The following PTPRD variants were observed in gnomAD, a reference collection of about 807,000 sequenced individuals.
The protein encoded by PTPRD is protein tyrosine phosphatase receptor type D.
PTPRD carries 34 observed loss-of-function variants against 214.5 expected under a neutral mutation model. That is an observed-to-expected ratio of 0.16 (90% confidence interval 0.12 to 0.21). PTPRD has a LOEUF of 0.21. PTPRD is among the 10% of genes least tolerant of loss of function. PTPRD has a pLI of 1.00. For missense variants in PTPRD, 2,545 were observed against 2,398.7 expected, an observed-to-expected ratio of 1.06 and a Z score of -1.27; for synonymous variants, 1,128 against 845.7, an observed-to-expected ratio of 1.33 and a Z score of -5.79.
intron 30 of PTPRD, 41 bp downstream of exon 30, chr9:8,484,078 T>C (rs1357993398): frequency 1.3e-6 from 2 of 1,588,718 alleles, no homozygotes; most frequent in South Asian, 1.1e-5. Flanking sequence ...CCTATTTACC[T>C]ATAATTCTTT....
At chr9:10,316,904 T>G (rs1205352668) in intron 3 of PTPRD, among the ~76,000 whole-genome samples, 1 of 151,924 alleles carries the variant, frequency 6.6e-6, no homozygotes, top group Non-Finnish European at 1.5e-5. Flanking sequence ...GTGTTTTAAC[T>G]ATAGATTTTA....
intron 35 of PTPRD, among the ~76,000 whole-genome samples, chr9:8,415,057 G>C (rs1292812612): frequency 1.3e-5 from 2 of 151,946 alleles, no homozygotes; most frequent in African/African-American, 4.8e-5. Context: ...AAAAAGTAAA[G>C]AGAAATTTCT....
chr9:9,773,645 T>A (rs186226541), intron 5 of PTPRD, among the ~76,000 whole-genome samples: 199 of 152,316 alleles, frequency 1.3e-3, no homozygotes, highest in African/African-American at 4.7e-3. Flanking sequence ...TGTACCATGA[T>A]CTCCAAGTGA....
intron 3 of PTPRD, among the ~76,000 whole-genome samples, chr9:10,260,486 A>G (rs755708820): frequency 1.3e-5 from 2 of 152,150 alleles, no homozygotes; most frequent in Non-Finnish European, 2.9e-5. Context: ...TACGCATTCC[A>G]ACTAAGATGT....
intron 3 of PTPRD, among the ~76,000 whole-genome samples, chr9:10,248,025 C>A (rs2092361159): frequency 6.6e-6 from 1 of 152,142 alleles, no homozygotes; most frequent in African/African-American, 2.4e-5. Context: ...TGGGAGGTGC[C>A]CTGTGCAAGC....
chr9:9,720,473 A>T (rs2097915865), intron 7 of PTPRD, among the ~76,000 whole-genome samples: 1 of 152,208 alleles, frequency 6.6e-6, no homozygotes, highest in Admixed American at 6.5e-5. Flanking sequence ...CATGAAGCCG[A>T]AAGTCAGAAG....
intron 3 of PTPRD, among the ~76,000 whole-genome samples, chr9:10,067,513 C>A (rs935166495): frequency 4.0e-5 from 6 of 151,876 alleles, no homozygotes; most frequent in Admixed American, 3.9e-4. Flanking sequence ...AGATATCTAA[C>A]AATTCTAATA....
intron 5 of PTPRD, among the ~76,000 whole-genome samples, chr9:9,920,459 T>C (rs1383831174): frequency 6.6e-6 from 1 of 152,144 alleles, no homozygotes; most frequent in Non-Finnish European, 1.5e-5. Context: ...CAGGGAGGCT[T>C]TAGCTTCATT....
chr9:10,356,611 AT>A (rs1427759523), intron 2 of PTPRD, among the ~76,000 whole-genome samples: 1 of 151,916 alleles, frequency 6.6e-6, no homozygotes, highest in African/African-American at 2.4e-5. Context: ...CTTAAATCTT[AT>A]TTTTTCCTAA....
intron 14 of PTPRD, among the ~76,000 whole-genome samples, chr9:8,579,998 C>T (rs1485170557): frequency 6.6e-6 from 1 of 152,130 alleles, no homozygotes; most frequent in East Asian, 1.9e-4. Flanking sequence ...TAGCTATGAA[C>T]ATTCATCAGG....
chr9:9,197,324 G>A (rs10435820), intron 9 of PTPRD, among the ~76,000 whole-genome samples: 29,631 of 152,088 alleles, frequency 0.19, 2,975 homozygotes, highest in East Asian at 0.33. Flanking sequence ...CTACGCTGCA[G>A]TGAACACTAA....
At chr9:9,485,890 C>T (rs1160903945) in intron 8 of PTPRD, among the ~76,000 whole-genome samples, 3 of 152,012 alleles carry the variant, frequency 2.0e-5, no homozygotes, top group Non-Finnish European at 2.9e-5. Flanking sequence ...GGGTGGCTCA[C>T]GCCTGTAATC....
chr9:10,461,994 G>C (rs1363377924), intron 2 of PTPRD, among the ~76,000 whole-genome samples: 1 of 152,010 alleles, frequency 6.6e-6, no homozygotes, highest in African/African-American at 2.4e-5. Flanking sequence ...TGGTTACCAG[G>C]GTCAGGCTGT....
At chr9:8,789,814 T>C (rs928844237) in intron 11 of PTPRD, among the ~76,000 whole-genome samples, 1 of 152,158 alleles carries the variant, frequency 6.6e-6, no homozygotes, top group Non-Finnish European at 1.5e-5. Context: ...TCCAGGTGGA[T>C]TGAAGACTTA....
At chr9:9,594,232 C>T (rs977067590) in intron 7 of PTPRD, among the ~76,000 whole-genome samples, 8 of 152,186 alleles carry the variant, frequency 5.3e-5, no homozygotes, top group Admixed American at 4.6e-4. Context: ...CTAAGATACA[C>T]ATGCCAATTC....
intron 9 of PTPRD, among the ~76,000 whole-genome samples, chr9:9,244,934 G>C (rs981502222): frequency 3.3e-5 from 5 of 151,834 alleles, no homozygotes; most frequent in African/African-American, 1.2e-4. Flanking sequence ...TCAAACAAAT[G>C]TACAAGAAAA....
At chr9:8,729,542 G>A (rs577362593) in intron 12 of PTPRD, among the ~76,000 whole-genome samples, 4 of 152,218 alleles carry the variant, frequency 2.6e-5, no homozygotes, top group South Asian at 2.1e-4. Context: ...TAACATTCAC[G>A]AAACACCTAC....
At chr9:9,798,096 G>A (rs1008707075) in intron 5 of PTPRD, among the ~76,000 whole-genome samples, 1 of 152,008 alleles carries the variant, frequency 6.6e-6, no homozygotes, top group African/African-American at 2.4e-5. Flanking sequence ...TAAAACAAAA[G>A]AATTTACCAA....
intron 9 of PTPRD, among the ~76,000 whole-genome samples, chr9:9,211,115 A>G (rs548084052): frequency 3.3e-5 from 5 of 151,898 alleles, no homozygotes; most frequent in Admixed American, 1.3e-4. Context: ...GTTGGAGTAC[A>G]TTCTGGCATT....
Sources: gnomAD v4.1 joint callset for allele counts (sites outside exome capture counted in the v4.1 genomes callset) on GRCh38, gnomAD v4.1.1 for gene constraint, MANE v1.5 for transcripts, NCBI Gene and HGNC (gene_info 2026-07-23, HGNC 2026-07-21) for gene names.